MCMBP: variants seen among roughly 807,000 people sequenced by gnomAD.
The protein encoded by MCMBP is mini-chromosome maintenance complex-binding protein.
In MCMBP, 31 loss-of-function variants were observed where a neutral mutation model predicts 81.3. That is an observed-to-expected ratio of 0.38 (90% confidence interval 0.29 to 0.51). The LOEUF (loss-of-function observed/expected upper bound fraction) is 0.51, where lower values mean the gene tolerates loss of function less well. Among genes scored for constraint, MCMBP ranks in the 20% least tolerant of loss-of-function variants. MCMBP has a pLI of 0.87. For synonymous variants in MCMBP, 267 were observed against 275.9 expected (o/e 0.97, Z 0.32); for missense variants, 645 against 772.1 (o/e 0.84, Z 1.95).
At chr10:119,851,914 A>T (rs191192727) in intron 6 of MCMBP, among the ~76,000 whole-genome samples, 2 of 152,200 alleles carry the variant, frequency 1.3e-5, no homozygotes, top group East Asian at 3.9e-4. Flanking sequence ...GAACTTTGGG[A>T]GGCCGAGGCA....
In MCMBP at chr10:119,859,255, T is replaced by C. The variant is rs761804550; in HGVS notation, c.145-74A>G. Reference sequence around the variant, plus strand: ...ACATTAAGCATATATACACAAACTTTATATCCAGACTCAAACTGTTACACA... The same window carrying C: ...ACATTAAGCATATATACACAAACTTCATATCCAGACTCAAACTGTTACACA... On this transcript the variant is annotated intron_variant, in intron 2 of 15. Coordinates refer to ENST00000369077, the MANE Select transcript of MCMBP (RefSeq NM_001256378.2). The C allele has an allele frequency of 1.4e-4, 187 of 1,381,462 alleles. No individual in the cohort carries two copies. In the Middle Eastern group the frequency reaches 1.8e-3, roughly 13 times the overall value. The allele number at this position is 1,381,462 out of a possible 1,614,324, so 85.6% of individuals were successfully genotyped here. A position where few individuals can be genotyped will look rare whatever the true frequency, so the allele number is the denominator to read the frequency against.
chr10:119,858,769 C>T, intron 4 of MCMBP, 115 bp downstream of exon 4: 2 of 817,954 alleles, frequency 2.4e-6, no homozygotes, highest in South Asian at 3.9e-5. Context: ...AAACATTTCA[C>T]ATGATTTCTT....
rs80212508 is a variant in MCMBP, at chr10:119,861,235, C to T, written c.59-1351G>A. ...AGGACTTCCAAACACGTTTACTTAACTGGACAAGGGCCAGTTGTGAAAAAG... is the reference window on the plus strand; with the variant it reads ...AGGACTTCCAAACACGTTTACTTAATTGGACAAGGGCCAGTTGTGAAAAAG... On this transcript the variant is annotated intron_variant, in intron 1 of 15. Transcript: ENST00000369077. 3.7e-3 allele frequency among the ~76,000 whole-genome samples: 556 copies of T among 152,290 alleles called. 5 individuals carry two copies. The highest frequency in any genetic ancestry group is 0.013 in the African/African-American group (541 of 41,568).
chr10:119,844,393 C>A (rs139324691), intron 8 of MCMBP, among the ~76,000 whole-genome samples: 102 of 152,244 alleles, frequency 6.7e-4, no homozygotes, highest in Non-Finnish European at 9.3e-4. Flanking sequence ...AGCATAATAA[C>A]CTTTTCCATA....
chr10:119,869,653 C>A (rs1278089427), intron 1 of MCMBP, among the ~76,000 whole-genome samples: 1 of 152,014 alleles, frequency 6.6e-6, no homozygotes, highest in African/African-American at 2.4e-5. Flanking sequence ...ATTGCTTGAA[C>A]CTGGGAGGAG....
chr10:119,849,718 C>T (rs1589787882), intron 6 of MCMBP, 142 bp from the exon 7 acceptor site: 7 of 645,320 alleles, frequency 1.1e-5, no homozygotes, highest in African/African-American at 1.9e-5. Flanking sequence ...TTTAAGGAAA[C>T]AGCACATACT....
At chr10:119,867,491 G>A (rs907919481) in intron 1 of MCMBP, among the ~76,000 whole-genome samples, 17 of 152,064 alleles carry the variant, frequency 1.1e-4, no homozygotes, top group African/African-American at 4.1e-4. Flanking sequence ...ATGTTGAGGT[G>A]TGGATAACAG....
intron 8 of MCMBP, among the ~76,000 whole-genome samples, chr10:119,846,661 G>A (rs1564876953): frequency 6.6e-6 from 1 of 152,188 alleles, no homozygotes; most frequent in African/African-American, 2.4e-5. Context: ...GTAACATACT[G>A]AGGATACATC....
At chr10:119,854,964 A>T (rs541512778) in intron 5 of MCMBP, among the ~76,000 whole-genome samples, 38 of 151,470 alleles carry the variant, frequency 2.5e-4, no homozygotes, top group African/African-American at 5.1e-4. Context: ...AAAAAAAAAA[A>T]AAAAAAAATA....
intron 1 of MCMBP, among the ~76,000 whole-genome samples, chr10:119,866,091 TAA>T (rs60232741): frequency 2.8e-4 from 36 of 129,370 alleles, no homozygotes; most frequent in Middle Eastern, 4.3e-3. Context: ...CTCTATCTCT[TAA>T]AAAAAAAAAA....
chr10:119,842,769 T>G, intron 9 of MCMBP, 174 bp from the exon 10 acceptor site: 2 of 317,044 alleles, frequency 6.3e-6, no homozygotes, highest in South Asian at 9.7e-5. Context: ...GCATCCTCCT[T>G]TTTTTTTTTT....
chr10:119,832,188 A>G, intron 14 of MCMBP, 88 bp from the exon 15 acceptor site: 3 of 1,160,786 alleles, frequency 2.6e-6, no homozygotes, highest in Non-Finnish European at 3.7e-6. Context: ...AGTAAGGTGC[A>G]TGTCAGCCTC....
At chr10:119,847,802 G>C (rs901578696) in intron 7 of MCMBP, 89 bp from the exon 8 acceptor site, 1 of 679,546 alleles carries the variant, frequency 1.5e-6, no homozygotes, top group Non-Finnish European at 2.4e-6. Flanking sequence ...TGGAATTTTA[G>C]ATCAGGAAAC....
intron 8 of MCMBP, among the ~76,000 whole-genome samples, chr10:119,846,322 ATAAG>A (rs1277323792): frequency 6.6e-6 from 1 of 152,262 alleles, no homozygotes. Flanking sequence ...TATACTAAAT[ATAAG>A]TAAATACATT....
chr10:119,855,328 T>C (rs191496880), intron 5 of MCMBP, among the ~76,000 whole-genome samples: 2 of 152,272 alleles, frequency 1.3e-5, no homozygotes, highest in East Asian at 1.9e-4. Context: ...TTGCTAACAT[T>C]AGAAAATAAG....
At chr10:119,860,592 T>C (rs1853220354) in intron 1 of MCMBP, among the ~76,000 whole-genome samples, 1 of 152,196 alleles carries the variant, frequency 6.6e-6, no homozygotes, top group Non-Finnish European at 1.5e-5. Flanking sequence ...TCTATAGCAC[T>C]TTTTTCCGTT....
At position 119,849,572 on chromosome 10, in the gene MCMBP, A is replaced by G; in HGVS notation, c.579T>C (p.Ser193=). The change falls in exon 7 of 16, where the codon AGT becomes AGC. Residue 193 remains serine, a synonymous_variant. Transcript: ENST00000369077. The part of the protein sequence containing the change: ...DQHAGARQAG[S]VGGLQWCGEP... ...CTCCACACCATTGAAGACCACCAAC[A>G]CTCCCTAAATTCAAAGGATAGCATT... 1.3e-6 allele frequency: 2 copies of G among 1,575,756 alleles called. No individual in the cohort carries two copies. Among genetic ancestry groups the G allele is most frequent in the East Asian group, 2.3e-5 (1 of 43,056 alleles).
rs1853742379 is a variant in MCMBP at position 119,872,738 on chromosome 10, G to C, written c.-154C>G. On this transcript the variant is annotated 5_prime_UTR_variant, in exon 1 of 16. Coordinates refer to ENST00000369077, the MANE Select transcript of MCMBP (RefSeq NM_001256378.2). The stretch of plus-strand genomic sequence containing the variant: ...CCACGCACAGCGAGCCGCGGGGCGC[G>C]GGCCTCCCGCGCCTCAGGGAGCGGC... 4.5e-6 allele frequency: 1 copy of C among 220,488 alleles called. No homozygotes were observed. The highest frequency in any genetic ancestry group is 8.2e-6 in the Non-Finnish European group (1 of 121,562). The allele number at this position is 220,488 out of a possible 1,614,324, so 13.7% of individuals were successfully genotyped here. A position where few individuals can be genotyped will look rare whatever the true frequency, so the allele number is the denominator to read the frequency against.
At chr10:119,837,760 G>A (rs1437305758) in intron 12 of MCMBP, among the ~76,000 whole-genome samples, 1 of 152,056 alleles carries the variant, frequency 6.6e-6, no homozygotes, top group Non-Finnish European at 1.5e-5. Context: ...TCCAGCCTGG[G>A]CGACAGAGCA....
Sources: allele counts gnomAD v4.1 joint callset (sites outside exome capture counted in the v4.1 genomes callset), GRCh38; gene constraint gnomAD v4.1.1; transcripts MANE v1.5; gene names NCBI Gene and HGNC (gene_info 2026-07-23, HGNC 2026-07-21).